The following CSMD1 variants were observed in gnomAD, a reference collection of about 807,000 sequenced individuals.
The protein encoded by CSMD1 is CUB and sushi domain-containing protein 1.
CSMD1 carries 213 observed loss-of-function variants against 417.5 expected under a neutral mutation model. The observed-to-expected ratio is 0.51, with a 90% CI of 0.46 to 0.57. The LOEUF (loss-of-function observed/expected upper bound fraction) is 0.57. Among genes scored for constraint, CSMD1 ranks in the 20% least tolerant of loss-of-function variants. CSMD1 has a pLI of 0.00. For synonymous variants in CSMD1, 2,862 were observed against 1,736.8 expected (o/e 1.65, Z -16.11); for missense variants, 6,923 against 4,529.7 (o/e 1.53, Z -15.17).
At chr8:2,998,672 CA>C (rs1159161297) in intron 53 of CSMD1, among the ~76,000 whole-genome samples, 6 of 152,124 alleles carry the variant, frequency 3.9e-5, no homozygotes, top group African/African-American at 1.4e-4. Flanking sequence ...ATGAAATTAG[CA>C]AAATAACTAA....
At chr8:4,481,334 C>A (rs1286402093) in intron 2 of CSMD1, among the ~76,000 whole-genome samples, 1 of 152,190 alleles carries the variant, frequency 6.6e-6, no homozygotes, top group Non-Finnish European at 1.5e-5. Context: ...GCATTAAAGT[C>A]TATAGCTTAA....
chr8:3,147,796 C>A lies in CSMD1; in HGVS notation c.6031+3601G>T, dbSNP rs573120542. Among the ~76,000 whole-genome samples, 8 of 152,330 alleles carry A rather than the reference C, an allele frequency of 5.3e-5. No homozygotes were observed. The South Asian group carries it at 1.7e-3, about 32-fold the overall frequency. ...AAGGAAATATTGTTTAACACAGTTTCCCAAACCTCTGAAAACCGAGGAGGG... is the reference window on the plus strand; with the variant it reads ...AAGGAAATATTGTTTAACACAGTTTACCAAACCTCTGAAAACCGAGGAGGG... On this transcript the variant is annotated intron_variant, in intron 40 of 69. Transcript: ENST00000635120.
intron 2 of CSMD1, among the ~76,000 whole-genome samples, chr8:4,450,779 T>A (rs901630529): frequency 1.3e-5 from 2 of 152,208 alleles, no homozygotes; most frequent in African/African-American, 4.8e-5. Flanking sequence ...AAGCAAGTAT[T>A]GTATTTTCAT....
chr8:4,645,212 G>T (rs1186314325), intron 1 of CSMD1, among the ~76,000 whole-genome samples: 1 of 151,702 alleles, frequency 6.6e-6, no homozygotes. Flanking sequence ...TCTAGACAGG[G>T]GTCATCATTC....
At chr8:4,119,564 G>A (rs1334828727) in intron 3 of CSMD1, among the ~76,000 whole-genome samples, 1 of 143,930 alleles carries the variant, frequency 6.9e-6, no homozygotes, top group South Asian at 2.4e-4. Flanking sequence ...TAAGGGTGTA[G>A]ACCAGAGGAT....
chr8:4,364,607 G>A (rs1157242851), intron 3 of CSMD1, among the ~76,000 whole-genome samples: 1 of 17,354 alleles, frequency 5.8e-5, no homozygotes, highest in East Asian at 1.5e-3. Flanking sequence ...GGCGGATCAC[G>A]AGGTCAGGAG....
intron 10 of CSMD1, among the ~76,000 whole-genome samples, chr8:3,565,199 CAGATAGAT>C (rs57979540): frequency 2.3e-5 from 2 of 88,490 alleles, no homozygotes; most frequent in East Asian, 6.6e-4. Flanking sequence ...CATAGATAGA[CAGATAGAT>C]AGATAGAGAG....
intron 1 of CSMD1, among the ~76,000 whole-genome samples, chr8:4,978,135 C>T (rs947751038): frequency 9.9e-5 from 15 of 152,138 alleles, no homozygotes; most frequent in African/African-American, 1.9e-4. Flanking sequence ...GTCTCAGTCA[C>T]GTGGCCCTGG....
intron 3 of CSMD1, among the ~76,000 whole-genome samples, chr8:4,319,287 T>G (rs748291008): frequency 1.3e-5 from 2 of 152,172 alleles, no homozygotes; most frequent in Non-Finnish European, 2.9e-5. Flanking sequence ...TGTCCTTTCC[T>G]TGCTTTTAAA....
At chr8:4,612,423 G>A (rs939078800) in intron 2 of CSMD1, among the ~76,000 whole-genome samples, 1 of 152,138 alleles carries the variant, frequency 6.6e-6, no homozygotes, top group Non-Finnish European at 1.5e-5. Flanking sequence ...GTTTTCTTCA[G>A]GAAAATAATA....
chr8:3,725,345 G>A (rs1051960856), intron 6 of CSMD1, among the ~76,000 whole-genome samples: 5 of 152,154 alleles, frequency 3.3e-5, no homozygotes, highest in Admixed American at 6.5e-5. Flanking sequence ...ATCCCTGCAT[G>A]GACAGGGAAA....
At chr8:3,034,057 A>G (rs933535529) in intron 50 of CSMD1, among the ~76,000 whole-genome samples, 1 of 152,178 alleles carries the variant, frequency 6.6e-6, no homozygotes, top group African/African-American at 2.4e-5. Flanking sequence ...TTTTTCTATC[A>G]GTGCTGCTGC....
chr8:4,332,127 G>C (rs558251338), intron 3 of CSMD1, among the ~76,000 whole-genome samples: 18 of 152,176 alleles, frequency 1.2e-4, no homozygotes, highest in African/African-American at 4.3e-4. Context: ...CTACCCCAAA[G>C]TTGTGATGAA....
intron 1 of CSMD1, among the ~76,000 whole-genome samples, chr8:4,654,227 A>C (rs1197071299): frequency 1.3e-5 from 2 of 152,126 alleles, no homozygotes; most frequent in African/African-American, 4.8e-5. Context: ...ATATGTCTAA[A>C]ATATGTCTCA....
intron 10 of CSMD1, among the ~76,000 whole-genome samples, chr8:3,541,302 C>T (rs1357199432): frequency 3.3e-5 from 5 of 152,136 alleles, no homozygotes; most frequent in Non-Finnish European, 1.5e-5. Flanking sequence ...TGCATGTTCT[C>T]ACTTATAAGT....
At chr8:3,523,103 G>C (rs1034047671) in intron 10 of CSMD1, among the ~76,000 whole-genome samples, 1 of 151,342 alleles carries the variant, frequency 6.6e-6, no homozygotes, top group African/African-American at 2.4e-5. Context: ...CAATATTATA[G>C]TTACATCTGC....
intron 3 of CSMD1, among the ~76,000 whole-genome samples, chr8:4,405,919 C>A (rs545160404): frequency 1.3e-5 from 2 of 152,208 alleles, no homozygotes; most frequent in African/African-American, 2.4e-5. Flanking sequence ...CAAGGAGCAT[C>A]TCGTTTCCTT....
intron 5 of CSMD1, among the ~76,000 whole-genome samples, chr8:3,766,330 T>C (rs1798264551): frequency 6.6e-6 from 1 of 152,178 alleles, no homozygotes; most frequent in Admixed American, 6.5e-5. Flanking sequence ...ATTAAAAATC[T>C]TGGTTGCAAC....
intron 2 of CSMD1, among the ~76,000 whole-genome samples, chr8:4,478,867 G>C (rs1017487590): frequency 6.6e-6 from 1 of 152,104 alleles, no homozygotes; most frequent in Non-Finnish European, 1.5e-5. Flanking sequence ...TTTGAAAACA[G>C]GGCTAGACTT....
Sources: allele counts gnomAD v4.1 joint callset (sites outside exome capture counted in the v4.1 genomes callset), GRCh38; gene constraint gnomAD v4.1.1; transcripts MANE v1.5; gene names NCBI Gene and HGNC (gene_info 2026-07-23, HGNC 2026-07-21).